The following FOCAD variants were observed in gnomAD, a reference collection of about 807,000 sequenced individuals.
FOCAD encodes focadhesin, also known as KIAA1797.
FOCAD carries 198 observed loss-of-function variants against 225.6 expected under a neutral mutation model. That is an observed-to-expected ratio of 0.88 (90% CI 0.78 to 0.99). The LOEUF (loss-of-function observed/expected upper bound fraction) is 0.99, where lower values mean the gene tolerates loss of function less well. FOCAD is among the 50% of genes least tolerant of loss of function. The pLI is 0.00. For missense variants in FOCAD, 2,713 were observed against 2,123.6 expected (o/e 1.28, Z -5.46); for synonymous variants, 897 against 755.0 (o/e 1.19, Z -3.08).
chr9:20,695,089 T>C, intron 1 of FOCAD, among the ~76,000 whole-genome samples: 1 of 152,244 alleles, frequency 6.6e-6, no homozygotes, highest in African/African-American at 2.4e-5. Flanking sequence ...CTTGATCTAT[T>C]GCTCTGCAAG....
At chr9:20,825,384 A>G (rs1824779806) in intron 15 of FOCAD, among the ~76,000 whole-genome samples, 1 of 152,036 alleles carries the variant, frequency 6.6e-6, no homozygotes, top group Non-Finnish European at 1.5e-5. Context: ...ATCATGTGTG[A>G]AGCGTGATGT....
intron 21 of FOCAD, among the ~76,000 whole-genome samples, chr9:20,896,803 A>G (rs766585529): frequency 6.6e-6 from 1 of 151,800 alleles, no homozygotes; most frequent in Non-Finnish European, 1.5e-5. Context: ...GGTGTGTTTT[A>G]TGGTTCAGAA....
intron 21 of FOCAD, among the ~76,000 whole-genome samples, chr9:20,902,714 A>G (rs1312414597): frequency 6.6e-6 from 1 of 151,928 alleles, no homozygotes; most frequent in Non-Finnish European, 1.5e-5. Flanking sequence ...AAGTTGGGAC[A>G]TATATATTAA....
intron 11 of FOCAD, among the ~76,000 whole-genome samples, chr9:20,814,143 C>T (rs10964719): frequency 0.35 from 52,453 of 151,912 alleles, 9,318 homozygotes; most frequent in East Asian, 0.49. Context: ...TTTTCGGAAT[C>T]CACTGTATGT....
chr9:20,749,101 C>G (rs190796608), intron 5 of FOCAD, among the ~76,000 whole-genome samples: 102 of 152,148 alleles, frequency 6.7e-4, no homozygotes, highest in Non-Finnish European at 1.0e-4. Context: ...ATGTTTCCCC[C>G]CAACCAATTA....
At chr9:20,961,439 C>G (rs975055681) in intron 35 of FOCAD, among the ~76,000 whole-genome samples, 6 of 152,160 alleles carry the variant, frequency 3.9e-5, no homozygotes, top group African/African-American at 1.2e-4. Flanking sequence ...TGTACTATCC[C>G]CAGCCCTGTA....
At chr9:20,659,772 A>G (rs916288946) in intron 2 of FOCAD, among the ~76,000 whole-genome samples, 4 of 152,238 alleles carry the variant, frequency 2.6e-5, no homozygotes, top group African/African-American at 9.6e-5. Flanking sequence ...TTTTGATGGC[A>G]TTGTGAAAGC....
In FOCAD at chr9:20,864,129, C is replaced by G. The variant is rs143263996; in HGVS notation, c.2055+1417C>G. ...TGAAGAAATGTAGAAGGGAGAGACC[C>G]TCCTTCCTCCTCCCACTTTCATCTG... On this transcript the variant is annotated intron_variant, in intron 16 of 43. Transcript: ENST00000338382. 2.5e-3 allele frequency among the ~76,000 whole-genome samples: 384 copies of G among 152,148 alleles called. 2 individuals are homozygous for G. The highest frequency in any genetic ancestry group is 9.1e-3 in the African/African-American group (376 of 41,538).
chr9:20,877,204 C>T (rs1178305053), intron 19 of FOCAD, among the ~76,000 whole-genome samples: 16 of 152,208 alleles, frequency 1.1e-4, no homozygotes, highest in Admixed American at 4.6e-4. Context: ...TTTCTTTCCC[C>T]GTCAAGTGTC....
intron 8 of FOCAD, among the ~76,000 whole-genome samples, chr9:20,774,151 GGT>G (rs1367920138): frequency 1.3e-4 from 20 of 152,178 alleles, no homozygotes; most frequent in African/African-American, 4.8e-4. Flanking sequence ...CCCTGCCCCA[GGT>G]GTGTGGAAAA....
intron 11 of FOCAD, among the ~76,000 whole-genome samples, chr9:20,808,309 C>G (rs73647674): frequency 3.3e-5 from 5 of 152,070 alleles, no homozygotes; most frequent in Non-Finnish European, 2.9e-5. Flanking sequence ...GCTCAGCTCA[C>G]GTTTACTGAG....
intron 2 of FOCAD, among the ~76,000 whole-genome samples, chr9:20,665,329 A>G (rs1368949109): frequency 6.6e-6 from 1 of 152,070 alleles, no homozygotes; most frequent in African/African-American, 2.4e-5. Context: ...GGAGGCAGTG[A>G]CTCCCAGAAA....
chr9:20,962,417 C>CACATACAT (rs60723308), intron 35 of FOCAD, among the ~76,000 whole-genome samples: 50,009 of 149,018 alleles, frequency 0.34, 8,582 homozygotes, highest in Middle Eastern at 0.41. Flanking sequence ...TATACACACA[C>CACATACAT]ACATACATAC....
rs1179557506 is a variant in FOCAD at position 20,761,240 on chromosome 9, A to G, written c.494+3049A>G. Among the ~76,000 whole-genome samples, 5 of 152,146 alleles carry G rather than the reference A, an allele frequency of 3.3e-5. No individual in the cohort carries two copies. The East Asian group carries it at 7.7e-4, about 23-fold the overall frequency. On this transcript the variant is annotated intron_variant, in intron 6 of 43. Transcript: ENST00000338382. ...GGCCTATGACTTTAACCTTTCAGGA[A>G]CTGAGAATTTGAGAATGGTGCAAAT...
intron 21 of FOCAD, among the ~76,000 whole-genome samples, chr9:20,900,752 A>G (rs1296833000): frequency 6.6e-6 from 1 of 151,898 alleles, no homozygotes; most frequent in East Asian, 1.9e-4. Flanking sequence ...TACCATGTGG[A>G]TGTGAGTTGT....
intron 1 of FOCAD, among the ~76,000 whole-genome samples, chr9:20,697,805 A>G (rs1329939203): frequency 6.6e-6 from 1 of 152,240 alleles, no homozygotes; most frequent in Non-Finnish European, 1.5e-5. Flanking sequence ...CTTGATTAAA[A>G]TGAGACTGGA....
intron 11 of FOCAD, among the ~76,000 whole-genome samples, chr9:20,801,835 G>T (rs780131122): frequency 2.0e-5 from 3 of 152,138 alleles, no homozygotes; most frequent in African/African-American, 4.8e-5. Flanking sequence ...GATGGGTTAT[G>T]ATTTGGTGGA....
At chr9:20,952,917 A>C in intron 34 of FOCAD, 68 bp from the exon 35 acceptor site, 3 of 1,202,664 alleles carry the variant, frequency 2.5e-6, no homozygotes, top group African/African-American at 1.5e-5. Flanking sequence ...GCAGCATGAG[A>C]TCATTATCTT....
intron 34 of FOCAD, among the ~76,000 whole-genome samples, 169 bp from the exon 35 acceptor site, chr9:20,952,816 T>A (rs1370568492): frequency 6.6e-6 from 1 of 152,222 alleles, no homozygotes; most frequent in African/African-American, 2.4e-5. Context: ...TCAAGGCCAG[T>A]CACTTAATCT....
Sources: gnomAD v4.1 joint callset for allele counts (sites outside exome capture counted in the v4.1 genomes callset) on GRCh38, gnomAD v4.1.1 for gene constraint, MANE v1.5 for transcripts, NCBI Gene and HGNC (gene_info 2026-07-23, HGNC 2026-07-21) for gene names.